PCSK6: variants seen among roughly 807,000 people sequenced by gnomAD.
The protein encoded by PCSK6 is proprotein convertase subtilisin/kexin type 6, also known as paired basic amino acid cleaving enzyme 4.
PCSK6 carries 85 observed loss-of-function variants against 123.3 expected under a neutral mutation model. The ratio of observed to expected loss-of-function variants is 0.69; its 90% CI spans 0.58 to 0.83. The LOEUF (loss-of-function observed/expected upper bound fraction) is 0.83. Among genes scored for constraint, PCSK6 ranks in the 40% least tolerant of loss-of-function variants. The pLI is 0.00. For synonymous variants in PCSK6, 508 were observed against 516.0 expected (o/e 0.98, Z 0.21); for missense variants, 1,191 against 1,282.3 (o/e 0.93, Z 1.09).
intron 9 of PCSK6, among the ~76,000 whole-genome samples, chr15:101,385,405 A>T (rs2042031593): frequency 6.6e-6 from 1 of 152,170 alleles, no homozygotes; most frequent in Non-Finnish European, 1.5e-5. Flanking sequence ...CACAGCAACC[A>T]GGAACGGGTT....
intron 13 of PCSK6, among the ~76,000 whole-genome samples, chr15:101,337,851 C>A (rs890888269): frequency 6.6e-6 from 1 of 152,098 alleles, no homozygotes; most frequent in East Asian, 1.9e-4. Flanking sequence ...AATACTTCAC[C>A]CTGTGAACGT....
At chr15:101,358,892 T>C (rs1188830160) in intron 13 of PCSK6, among the ~76,000 whole-genome samples, 1 of 152,098 alleles carries the variant, frequency 6.6e-6, no homozygotes, top group South Asian at 2.1e-4. Flanking sequence ...GCAGGGCAGG[T>C]TGGGGAGACT....
At chr15:101,371,172 A>C (rs2041576820) in intron 11 of PCSK6, among the ~76,000 whole-genome samples, 1 of 152,148 alleles carries the variant, frequency 6.6e-6, no homozygotes, top group Non-Finnish European at 1.5e-5. Context: ...GCACCACTGC[A>C]CTCCAGCCTG....
chr15:101,430,144 A>G, intron 4 of PCSK6, 81 bp from the exon 5 acceptor site: 1 of 1,115,080 alleles, frequency 9.0e-7, no homozygotes, highest in Non-Finnish European at 1.4e-6. Context: ...TCCGTTGGCA[A>G]ATAGAGAAAC....
chr15:101,461,368 A>G (rs2057337314), intron 1 of PCSK6, among the ~76,000 whole-genome samples: 1 of 152,224 alleles, frequency 6.6e-6, no homozygotes, highest in Non-Finnish European at 1.5e-5. Flanking sequence ...AACAGTGCTT[A>G]AACACCCATC....
At chr15:101,393,558 G>A (rs2042300574) in intron 7 of PCSK6, 134 bp from the exon 8 acceptor site, 1 of 640,604 alleles carries the variant, frequency 1.6e-6, no homozygotes, top group African/African-American at 1.8e-5. Flanking sequence ...CCATCTGGAT[G>A]CTGCTGAGAG....
chr15:101,316,481 G>C (rs1347762179), intron 19 of PCSK6: 5 of 152,242 alleles, frequency 3.3e-5, no homozygotes, highest in Non-Finnish European at 5.9e-5. Context: ...GAATGTTATG[G>C]ATTCAAGTGA....
chr15:101,427,882 C>T lies in PCSK6; in HGVS notation c.823+10G>A, dbSNP rs1332449266. 18 of 1,556,606 alleles carry T rather than the reference C, an allele frequency of 1.2e-5. No individual in the cohort carries two copies. The highest frequency in any genetic ancestry group is 1.6e-5 in the Non-Finnish European group (18 of 1,148,740). ...CCCCTCGGCTCGCAGGCTGCCACGC[C>T]CGGCCTTACCTCCTATTTTGGCATT... On this transcript the variant is annotated intron_variant, in intron 6 of 21. Coordinates refer to ENST00000611716, the MANE Select transcript of PCSK6 (RefSeq NM_002570.5).
chr15:101,363,752 C>G (rs922485912), intron 13 of PCSK6, among the ~76,000 whole-genome samples: 4 of 151,936 alleles, frequency 2.6e-5, no homozygotes, highest in African/African-American at 4.8e-5. Context: ...GCCTCAGCCT[C>G]CCTAAGAGCT....
chr15:101,351,210 T>C (rs2040882338), intron 13 of PCSK6, among the ~76,000 whole-genome samples: 1 of 152,222 alleles, frequency 6.6e-6, no homozygotes, highest in South Asian at 2.1e-4. Flanking sequence ...CGACAAATGC[T>C]ACAAACAAGG....
At chr15:101,428,179 T>G (rs2056323825) in intron 5 of PCSK6, among the ~76,000 whole-genome samples, 199 bp from the exon 6 acceptor site, 1 of 152,214 alleles carries the variant, frequency 6.6e-6, no homozygotes, top group South Asian at 2.1e-4. Context: ...CAGCCCTTCC[T>G]GGCATCCTGA....
At chr15:101,344,333 A>G (rs905905018) in intron 13 of PCSK6, among the ~76,000 whole-genome samples, 7 of 152,364 alleles carry the variant, frequency 4.6e-5, no homozygotes, top group African/African-American at 1.4e-4. Context: ...TAAATTGCAT[A>G]AAAGATTAGA....
rs939063102 is a variant in PCSK6 at position 101,348,932 on chromosome 15, C to A, written c.1859-16901G>T. Among the ~76,000 whole-genome samples the A allele has an allele frequency of 5.3e-5, 8 of 152,342 alleles. No homozygotes were observed. The East Asian group carries it at 9.6e-4, about 18-fold the overall frequency. On this transcript the variant is annotated intron_variant, in intron 13 of 21. Transcript: ENST00000611716. ...ACCCTCCTGCTCCTCTCACTCAAGT[C>A]GCCTGGATAACGGGTCAGATTTGGT...
At chr15:101,379,484 C>T (rs149328457) in intron 11 of PCSK6, among the ~76,000 whole-genome samples, 9 of 152,346 alleles carry the variant, frequency 5.9e-5, no homozygotes, top group Admixed American at 2.0e-4. Flanking sequence ...CCATATCCCA[C>T]GCAGTGCACA....
At chr15:101,368,386 T>C (rs143973284) in intron 12 of PCSK6, among the ~76,000 whole-genome samples, 2 of 152,324 alleles carry the variant, frequency 1.3e-5, no homozygotes, top group Non-Finnish European at 2.9e-5. Flanking sequence ...GGGATACATA[T>C]ATTATCACAC....
chr15:101,383,981 T>C (rs1596266463), intron 10 of PCSK6: 3 of 404,382 alleles, frequency 7.4e-6, no homozygotes, highest in East Asian at 3.2e-4. Context: ...GCAATCCTCC[T>C]GCCTCAACTT....
intron 13 of PCSK6, among the ~76,000 whole-genome samples, chr15:101,365,593 A>T (rs1264609738): frequency 1.3e-5 from 2 of 152,214 alleles, no homozygotes; most frequent in Admixed American, 1.3e-4. Flanking sequence ...AGGTCCACAT[A>T]AAAACTTGTA....
intron 18 of PCSK6, 127 bp from the exon 19 acceptor site, chr15:101,318,549 C>G: frequency 1.3e-6 from 1 of 795,734 alleles, no homozygotes; most frequent in Non-Finnish European, 2.1e-6. Flanking sequence ...ACCGAAAGTT[C>G]TCAGCTAAGG....
At chr15:101,481,712 A>T (rs941948420) in intron 1 of PCSK6, among the ~76,000 whole-genome samples, 1 of 152,198 alleles carries the variant, frequency 6.6e-6, no homozygotes. Context: ...CAGCTCTGCC[A>T]CTAAGGTAGA....
Sources: gnomAD v4.1 joint callset for allele counts (sites outside exome capture counted in the v4.1 genomes callset) on GRCh38, gnomAD v4.1.1 for gene constraint, MANE v1.5 for transcripts, NCBI Gene and HGNC (gene_info 2026-07-23, HGNC 2026-07-21) for gene names.